CSTPP1: variants seen among roughly 807,000 people sequenced by gnomAD.
The protein encoded by CSTPP1 is UPF0705 protein C11orf49.
chr11:46,991,557 C>A, the CSTPP1 span: 1 of 152,180 alleles, frequency 6.6e-6, no homozygotes, highest in East Asian at 1.9e-4. Context: ...GACAAGTGAA[C>A]TGACAAGCCT....
the CSTPP1 span, among the ~76,000 whole-genome samples, chr11:47,145,169 G>C: frequency 6.6e-6 from 1 of 151,822 alleles, no homozygotes; most frequent in African/African-American, 2.4e-5. Context: ...TGTATTCTTA[G>C]TAGAGACTGG....
the CSTPP1 span, chr11:47,161,457 T>C: frequency 6.2e-7 from 1 of 1,613,428 alleles, no homozygotes; most frequent in Non-Finnish European, 8.5e-7. Flanking sequence ...CTTCTTCCCT[T>C]CTTCAGGCTG....
At chr11:47,088,467 T>C in the CSTPP1 span, among the ~76,000 whole-genome samples, 1 of 152,222 alleles carries the variant, frequency 6.6e-6, no homozygotes, top group Non-Finnish European at 1.5e-5. Context: ...ATCTGTTTTG[T>C]ACACCAAAAT....
the CSTPP1 span, among the ~76,000 whole-genome samples, chr11:47,058,071 T>C: frequency 1.3e-5 from 2 of 152,190 alleles, no homozygotes; most frequent in African/African-American, 4.8e-5. Context: ...TGGTGGCTCA[T>C]GCCTACAATC....
the CSTPP1 span, among the ~76,000 whole-genome samples, chr11:47,116,193 A>G: frequency 6.6e-6 from 1 of 152,040 alleles, no homozygotes; most frequent in South Asian, 2.1e-4. Context: ...GTTTGTTGTG[A>G]TTTCTGTTCT....
At chr11:47,092,434 T>G in the CSTPP1 span, among the ~76,000 whole-genome samples, 16 of 152,194 alleles carry the variant, frequency 1.1e-4, no homozygotes, top group African/African-American at 3.9e-4. Context: ...CACTCTTTAT[T>G]TGGAGATTTG....
the CSTPP1 span, among the ~76,000 whole-genome samples, chr11:46,967,074 A>C: frequency 1.3e-5 from 2 of 152,080 alleles, no homozygotes; most frequent in Admixed American, 6.6e-5. Flanking sequence ...TGTAACATCA[A>C]ATTTTTTCTT....
At chr11:47,163,879 C>T in the CSTPP1 span, among the ~76,000 whole-genome samples, 1 of 152,124 alleles carries the variant, frequency 6.6e-6, no homozygotes, top group African/African-American at 2.4e-5. Context: ...CTCCTAGCCT[C>T]AAGTGATCCA....
the CSTPP1 span, among the ~76,000 whole-genome samples, chr11:47,097,176 C>T: frequency 9.0e-6 from 1 of 110,558 alleles, no homozygotes; most frequent in South Asian, 3.3e-4. Context: ...GCCCGGCCAG[C>T]CGCCCCGTCT....
At chr11:47,113,301 A>C in the CSTPP1 span, among the ~76,000 whole-genome samples, 1 of 152,222 alleles carries the variant, frequency 6.6e-6, no homozygotes, top group African/African-American at 2.4e-5. Context: ...CAATAAACAT[A>C]CGTATGCATG....
At chr11:47,132,418 TATAAA>T in the CSTPP1 span, among the ~76,000 whole-genome samples, 15 of 152,246 alleles carry the variant, frequency 9.9e-5, no homozygotes, top group African/African-American at 3.6e-4. Context: ...AGTTAATAAT[TATAAA>T]ATAATGCTAC....
the CSTPP1 span, among the ~76,000 whole-genome samples, chr11:47,163,173 T>TCTCATTA: frequency 2.8e-5 from 3 of 108,236 alleles, no homozygotes; most frequent in Non-Finnish European, 3.7e-5. Context: ...GAGACCATCT[T>TCTCATTA]AAAAAAAAAA....
At chr11:46,964,887 G>A in the CSTPP1 span, among the ~76,000 whole-genome samples, 5,679 of 152,066 alleles carry the variant, frequency 0.037, 330 homozygotes, top group African/African-American at 0.13. Context: ...TCATCTCCCG[G>A]GACTGACTAA....
the CSTPP1 span, chr11:47,159,904 T>C: frequency 1.2e-5 from 4 of 346,478 alleles, no homozygotes; most frequent in African/African-American, 6.5e-5. Context: ...CTGGGGAGGC[T>C]GAGACAGAAG....
At chr11:46,964,096 G>C in the CSTPP1 span, among the ~76,000 whole-genome samples, 3 of 152,000 alleles carry the variant, frequency 2.0e-5, no homozygotes, top group Non-Finnish European at 4.4e-5. Context: ...TTCTATCAGA[G>C]CTATCTTTCT....
chr11:46,949,343 C>T, the CSTPP1 span, among the ~76,000 whole-genome samples: 1 of 152,340 alleles, frequency 6.6e-6, no homozygotes, highest in East Asian at 1.9e-4. Context: ...TAAAGTCTCA[C>T]ATATGCAGTC....
the CSTPP1 span, among the ~76,000 whole-genome samples, chr11:47,084,080 A>G: frequency 1.3e-5 from 2 of 152,186 alleles, no homozygotes; most frequent in African/African-American, 4.8e-5. Flanking sequence ...TGGTATTGTC[A>G]GTCTTTTGCA....
chr11:46,955,633 G>A, the CSTPP1 span, among the ~76,000 whole-genome samples: 1 of 152,028 alleles, frequency 6.6e-6, no homozygotes, highest in African/African-American at 2.4e-5. Context: ...AAAGTGCTGG[G>A]ACTACAGGTG....
the CSTPP1 span, among the ~76,000 whole-genome samples, chr11:46,986,843 A>G: frequency 6.6e-6 from 1 of 152,228 alleles, no homozygotes; most frequent in African/African-American, 2.4e-5. Context: ...TTTCTGATGC[A>G]GAAATGGAAA....
Sources: gnomAD v4.1 joint callset for allele counts (sites outside exome capture counted in the v4.1 genomes callset) on GRCh38, gnomAD v4.1.1 for gene constraint, MANE v1.5 for transcripts, NCBI Gene and HGNC (gene_info 2026-07-23, HGNC 2026-07-21) for gene names.